Variants in TTN observed in about 807,000 individuals in gnomAD.
TTN encodes connectin.
In TTN, 1,525 loss-of-function variants were observed where a neutral mutation model predicts 3,223.0. The ratio of observed to expected loss-of-function variants is 0.47; its 90% CI spans 0.45 to 0.49. TTN has a LOEUF of 0.49. Ranked by LOEUF, TTN falls within the 20% of genes least tolerant of loss-of-function variation. The pLI is 0.00. For synonymous variants in TTN, 14,094 were observed against 15,161.0 expected, an observed-to-expected ratio of 0.93 and a Z score of 5.17; for missense variants, 40,786 against 43,424.0, an observed-to-expected ratio of 0.94 and a Z score of 5.40.
chr2:178,725,258 T>C, intron 71 of TTN, 110 bp downstream of exon 71: 1 of 1,180,816 alleles, frequency 8.5e-7, no homozygotes, highest in Non-Finnish European at 1.1e-6. Flanking sequence ...TTCAAATAGA[T>C]GAGGATAAAT....
intron 47 of TTN, chr2:178,747,657 G>C: frequency 6.2e-7 from 1 of 1,613,106 alleles, no homozygotes. Flanking sequence ...GGAACCTCAC[G>C]CTTTCCAGCA....
chr2:178,562,312 G>A lies in TTN; in HGVS notation c.83820C>T (p.Asn27940=), dbSNP rs727503555. 43 of 1,612,966 alleles carry A rather than the reference G, an allele frequency of 2.7e-5. 1 individual carries two copies. Among genetic ancestry groups the A allele is most frequent in the African/African-American group, 9.4e-5 (7 of 74,850 alleles). The change falls in exon 326 of 363, where the codon AAC becomes AAT. Residue 27940 remains asparagine, a synonymous_variant. Transcript: ENST00000589042. ...EEYVFRVAAV[N]EKGRSDPRQL... is the part of the protein sequence containing the mutation. ...GTCTTGGATCACTTCTTCCCTTTTC[G>A]TTAACTGCAGCTACCCTGAAGACAT...
intron 147 of TTN, 107 bp from the exon 148 acceptor site, chr2:178,676,102 A>C: frequency 9.7e-7 from 1 of 1,030,114 alleles, no homozygotes; most frequent in Non-Finnish European, 1.4e-6. Context: ...GTCGCTCAAG[A>C]CAGGTCTGTC....
In TTN at chr2:178,578,106, A is replaced by G. The variant is rs1356884915; in HGVS notation, c.68409T>C (p.Phe22803=). 2 of 1,613,270 alleles carry G rather than the reference A, an allele frequency of 1.2e-6. No individual in the cohort carries two copies. The highest frequency in any genetic ancestry group is 1.7e-4 in the Middle Eastern group (1 of 6,052). ...ANKTPIRMRD[F]KVTGLTEGLE... Reference sequence around the variant, plus strand: ...GACCTTCAGTTAATCCTGTCACTTTAAAGTCTCTCATCCTTATCGGAGTCT... The same window carrying G: ...GACCTTCAGTTAATCCTGTCACTTTGAAGTCTCTCATCCTTATCGGAGTCT... The change falls in exon 322 of 363, where the codon TTT becomes TTC. Residue 22803 remains phenylalanine (F), a synonymous_variant. Coordinates refer to ENST00000589042, the MANE Select transcript of TTN (RefSeq NM_001267550.2).
rs59989386 is a variant in TTN, at chr2:178,699,383, C to CTTTTTTTTTTTTTTT, written c.30683-484_30683-470dup. On this transcript the variant is annotated intron_variant, in intron 111 of 362. Coordinates refer to ENST00000589042, the MANE Select transcript of TTN (RefSeq NM_001267550.2). ...TTTGTATTCATGAATAAATAACACT[C>CTTTTTTTTTTTTTTT]TTTTTTTTTTTTTTTTTTTTTTTTT... Among the ~76,000 whole-genome samples the CTTTTTTTTTTTTTTT allele has an allele frequency of 2.0e-4, 9 of 44,912 alleles. 1 individual carries two copies. The highest frequency in any genetic ancestry group is 3.1e-4 in the Non-Finnish European group (7 of 22,892). The allele number at this position is 44,912 out of a possible 152,430, so 29.5% of individuals were successfully genotyped here. A position where few individuals can be genotyped will look rare whatever the true frequency, so the allele number is the denominator to read the frequency against.
chr2:178,684,069 C>A lies in TTN; in HGVS notation c.32736G>T (p.Pro10912=), dbSNP rs368838709. 3 of 1,611,544 alleles carry A rather than the reference C, an allele frequency of 1.9e-6. No homozygotes were observed. Among genetic ancestry groups the A allele is most frequent in the South Asian group, 1.1e-5 (1 of 90,752 alleles). ...CTTTTTCTTCTGGGACAGCTCTCTT[C>A]GGTTCCTCTGGCACTTTAAAGAGAG... ...APPKARVPEE[P]KRAVPEEKVL... The change falls in exon 133 of 363, where the codon CCG becomes CCT. Residue 10912 remains proline, a synonymous_variant. Transcript: ENST00000589042.
Position 178,558,416 on chromosome 2 carries a change from C to T in TTN, c.87043G>A (p.Val29015Met). The T allele has an allele frequency of 2.0e-5, 32 of 1,613,750 alleles. No individual in the cohort carries two copies. Among genetic ancestry groups the T allele is most frequent in the Non-Finnish European group, 2.7e-5 (32 of 1,179,806 alleles). Residue 29015 changes from valine to methionine, a missense_variant, in exon 327 of 363, where the codon GTG (valine) becomes ATG (methionine). By Grantham distance (21) the Val-to-Met change is conservative (BLOSUM62 1). Transcript: ENST00000589042. ...AGGCCAGCTTGATTTTCAGCAAACA[C>T]TCGGAAAAAGTATTCAGAATTCTCT... ...LRENSEYFFR[V>M]FAENQAGLSD... is the part of the protein sequence containing the mutation.
chr2:178,774,645 T>A (rs1454095438), intron 29 of TTN, 172 bp from the exon 30 acceptor site: 1 of 708,630 alleles, frequency 1.4e-6, no homozygotes, highest in East Asian at 2.8e-5. Context: ...AGCAGTTATT[T>A]TATTTTAATT....
chr2:178,770,946 G>T, intron 34 of TTN: 4 of 769,208 alleles, frequency 5.2e-6, no homozygotes, highest in Non-Finnish European at 9.0e-6. Context: ...ACTGATTGGA[G>T]AAGGGTGAAA....
At chr2:178,629,480 T>C in intron 239 of TTN, 37 bp from the exon 240 acceptor site, 1 of 1,610,744 alleles carries the variant, frequency 6.2e-7, no homozygotes, top group Non-Finnish European at 8.5e-7. Context: ...GCGTTACTCA[T>C]TTTGTAATCC....
rs556720151 is a variant in TTN, at chr2:178,764,704, A to C, written c.9811T>G (p.Ser3271Ala). 28 of 1,614,136 alleles carry C rather than the reference A, an allele frequency of 1.7e-5. No individual in the cohort carries two copies. In the African/African-American group the frequency reaches 3.5e-4, roughly 20 times the overall value. The change falls in exon 42 of 363, where the codon TCC becomes GCC. Residue 3271 changes from serine to alanine, a missense_variant. Ser to Ala is a moderately conservative substitution (Grantham distance 99). Transcript: ENST00000589042. ...AGCAGCTGCTCTTCCTTGTACCAGG[A>C]AATTTTGGGCTGTGGTCTTCCGGAT... is the stretch of plus-strand genomic sequence containing the variant. ...VISGRPQPKI[S>A]WYKEEQLLST...
intron 33 of TTN, among the ~76,000 whole-genome samples, chr2:178,771,893 G>C (rs929974452): frequency 6.6e-6 from 1 of 151,996 alleles, no homozygotes; most frequent in African/African-American, 2.4e-5. Context: ...ACTACATTGA[G>C]GATTTCTATA....
Position 178,793,433 on chromosome 2 carries a change from G to A in TTN, c.1507C>T (p.Gln503Ter). The A allele has an allele frequency of 6.2e-7, 1 of 1,614,070 alleles. No homozygotes were observed. Among genetic ancestry groups the A allele is most frequent in the Non-Finnish European group, 8.5e-7 (1 of 1,180,000 alleles). Residue 503 changes from glutamine to a stop codon, truncating the protein, a stop_gained, in exon 9 of 363, where the codon CAA (glutamine) becomes TAA (stop). Coordinates refer to ENST00000589042, the MANE Select transcript of TTN (RefSeq NM_001267550.2). LOFTEE classifies it high-confidence loss of function. ...TCATGAGTTACGTGCATCTGCTCTTGCTTTGTGGTAATTACTTCTTTGGTT... is the reference window on the plus strand; with the variant it reads ...TCATGAGTTACGTGCATCTGCTCTTACTTTGTGGTAATTACTTCTTTGGTT... The part of the protein sequence containing the change: ...SRTKEVITTK[Q>*]EQMHVTHEQI...
chr2:178,556,726 T>A, intron 330 of TTN, 122 bp downstream of exon 330: 1 of 1,180,616 alleles, frequency 8.5e-7, no homozygotes, highest in South Asian at 1.4e-5. Flanking sequence ...GTCCATAATT[T>A]CTTCCAAAAA....
chr2:178,711,008 A>G (rs2076577826), intron 97 of TTN, 54 bp downstream of exon 97: 42 of 1,547,802 alleles, frequency 2.7e-5, no homozygotes, highest in Admixed American at 4.1e-5. Context: ...CCCTAAGTTC[A>G]TATTTGATTA....
At chr2:178,678,599 G>C (rs1466062271) in intron 143 of TTN, 102 bp from the exon 144 acceptor site, 2 of 1,146,770 alleles carry the variant, frequency 1.7e-6, no homozygotes, top group Non-Finnish European at 2.4e-6. Flanking sequence ...GTATGACAAA[G>C]GTATTCCAAG....
At position 178,624,518 on chromosome 2, in the gene TTN, G is replaced by A. The variant is rs776808932; in HGVS notation, c.44762C>T (p.Thr14921Ile). The change falls in exon 242 of 363, where the codon ACA becomes ATA. Residue 14921 changes from threonine (T) to isoleucine (I), a missense_variant. Coordinates refer to ENST00000589042, the MANE Select transcript of TTN (RefSeq NM_001267550.2). ...IHDCTPEDIK[T>I]YTCDAKDFKT... is the part of the protein sequence containing the mutation. ...AAAATCCTTAGCATCACAAGTGTAT[G>A]TTTTAATATCCTCTGGGGTACAGTC... 4 of 1,612,730 alleles carry A rather than the reference G, an allele frequency of 2.5e-6. No homozygotes were observed. The highest frequency in any genetic ancestry group is 2.2e-5 in the South Asian group (2 of 91,046).
chr2:178,636,359 A>G lies in TTN; in HGVS notation c.41329+39T>C, dbSNP rs2060439844. On this transcript the variant is annotated intron_variant, in intron 225 of 362. Coordinates refer to ENST00000589042, the MANE Select transcript of TTN (RefSeq NM_001267550.2). The surrounding 1 kb of genome is among the most constrained non-coding windows in gnomAD (Gnocchi z 4.3). ...GTTGCTACTAAGGTTTGTTACATTA[A>G]AGTTTAATATAGATTATGTTCAGAA... 1 of 1,542,804 alleles carries G rather than the reference A, an allele frequency of 6.5e-7. No homozygotes were observed.
In TTN at chr2:178,570,032, G is replaced by A. The variant is rs756655305; in HGVS notation, c.76100C>T (p.Thr25367Ile). Residue 25367 changes from threonine (T) to isoleucine (I), a missense_variant, in exon 326 of 363, where the codon ACT becomes ATT. Physicochemically the swap from Thr to Ile is moderately conservative, Grantham distance 89 (BLOSUM62 -1). Transcript: ENST00000589042. The part of the protein sequence containing the change: ...RLIGELRLRV[T>I]GLIENHDYEF... Reference sequence around the variant, plus strand: ...ATAATCGTGATTTTCTATGAGTCCAGTTACTCTCAGGCGCAACTCTCCAAT... The same window carrying A: ...ATAATCGTGATTTTCTATGAGTCCAATTACTCTCAGGCGCAACTCTCCAAT... 4.3e-6 allele frequency: 7 copies of A among 1,613,258 alleles called. No homozygotes were observed. Among genetic ancestry groups the A allele is most frequent in the Non-Finnish European group, 5.9e-6 (7 of 1,179,550 alleles).
Sources: gnomAD v4.1 joint callset for allele counts (sites outside exome capture counted in the v4.1 genomes callset) on GRCh38, gnomAD v4.1.1 for gene constraint, Gnocchi (gnomAD v3.1) non-coding constraint, MANE v1.5 for transcripts, NCBI Gene and HGNC (gene_info 2026-07-23, HGNC 2026-07-21) for gene names.